The following TTC28 variants were observed in gnomAD, a reference collection of about 807,000 sequenced individuals.
The protein encoded by TTC28 is tetratricopeptide repeat domain 28, also known as tetratricopeptide repeat protein 28.
TTC28 carries 61 observed loss-of-function variants against 198.0 expected under a neutral mutation model. The observed-to-expected ratio is 0.31, with a 90% CI of 0.25 to 0.38. The LOEUF (loss-of-function observed/expected upper bound fraction) is 0.38, where lower values mean the gene tolerates loss of function less well. TTC28 is among the 10% of genes least tolerant of loss of function. The probability of loss-of-function intolerance (pLI) is 1.00; values close to 1 mark genes in which losing one functional copy is unlikely to be tolerated. For missense variants in TTC28, 2,678 were observed against 3,164.0 expected (o/e 0.85, Z 3.69); for synonymous variants, 1,171 against 1,297.8 (o/e 0.90, Z 2.10).
At chr22:28,158,215 C>T (rs1271120426) in intron 6 of TTC28, among the ~76,000 whole-genome samples, 1 of 151,858 alleles carries the variant, frequency 6.6e-6, no homozygotes, top group African/African-American at 2.4e-5. Flanking sequence ...AAGTGGAATA[C>T]CTCTATAATG....
At chr22:28,257,739 CATATATAT>C (rs66590909) in intron 5 of TTC28, among the ~76,000 whole-genome samples, 2,033 of 96,370 alleles carry the variant, frequency 0.021, 43 homozygotes, top group Admixed American at 0.026. Context: ...GGTAATAGAA[CATATATAT>C]ATATATATAT....
intron 2 of TTC28, among the ~76,000 whole-genome samples, chr22:28,553,655 G>A (rs1348549253): frequency 1.5e-4 from 23 of 151,994 alleles, no homozygotes; most frequent in Admixed American, 7.9e-4. Flanking sequence ...GGAGGGAGGT[G>A]GGGGTCAGCC....
chr22:28,610,944 G>T (rs1434068367), intron 2 of TTC28, among the ~76,000 whole-genome samples: 1 of 151,962 alleles, frequency 6.6e-6, no homozygotes, highest in Non-Finnish European at 1.5e-5. Context: ...ATCAATAGCT[G>T]AATCGATCAA....
chr22:28,043,425 A>C (rs1299701002), intron 12 of TTC28, among the ~76,000 whole-genome samples: 1 of 151,752 alleles, frequency 6.6e-6, no homozygotes, highest in Admixed American at 6.6e-5. Flanking sequence ...GCTGAATGTA[A>C]CTTCTGTGGC....
chr22:28,553,702 TG>T (rs989057497), intron 2 of TTC28, among the ~76,000 whole-genome samples: 3 of 143,386 alleles, frequency 2.1e-5, no homozygotes, highest in African/African-American at 5.3e-5. Flanking sequence ...GGGAGGGAGG[TG>T]GGGGGTCAGC....
At chr22:28,361,923 T>C (rs969790876) in intron 2 of TTC28, among the ~76,000 whole-genome samples, 7 of 152,328 alleles carry the variant, frequency 4.6e-5, no homozygotes, top group African/African-American at 1.4e-4. Flanking sequence ...GTTTACAGCA[T>C]AGTTTACCGA....
intron 3 of TTC28, among the ~76,000 whole-genome samples, chr22:28,302,673 T>C (rs151042395): frequency 0.01 from 1,535 of 152,164 alleles, 11 homozygotes; most frequent in Non-Finnish European, 0.015. Flanking sequence ...TTTTGGTTTT[T>C]GTTTTTTGTT....
At chr22:28,471,503 AG>A (rs1269800720) in intron 2 of TTC28, among the ~76,000 whole-genome samples, 1 of 152,202 alleles carries the variant, frequency 6.6e-6, no homozygotes, top group Non-Finnish European at 1.5e-5. Context: ...TATTTGGTGA[AG>A]AAAATGCAGA....
At chr22:28,582,104 G>A (rs566506427) in intron 2 of TTC28, among the ~76,000 whole-genome samples, 28 of 151,594 alleles carry the variant, frequency 1.8e-4, no homozygotes, top group Admixed American at 1.6e-3. Context: ...AATAATAGAC[G>A]ATTACTATAC....
intron 2 of TTC28, among the ~76,000 whole-genome samples, chr22:28,320,947 AACAC>A (rs1311382915): frequency 6.6e-6 from 1 of 152,220 alleles, no homozygotes; most frequent in South Asian, 2.1e-4. Flanking sequence ...GATCAGGTAA[AACAC>A]ATTGTGACAT....
rs552510821 is a variant in TTC28 at position 28,003,710 on chromosome 22, C to T, written c.4219-2157G>A. 2.8e-4 allele frequency among the ~76,000 whole-genome samples: 42 copies of T among 152,340 alleles called. 1 individual carries two copies. The Middle Eastern group carries it at 0.014, about 49-fold the overall frequency. On this transcript the variant is annotated intron_variant, in intron 14 of 22. Coordinates refer to ENST00000397906, the MANE Select transcript of TTC28 (RefSeq NM_001145418.2). ...GAGGCTGGAATCCACGCAGAGCAAA[C>T]ATTCACTGGCAGCCCATCTTCGTAG... is the stretch of plus-strand genomic sequence containing the variant.
chr22:28,263,273 T>C (rs1243796496), intron 5 of TTC28, among the ~76,000 whole-genome samples: 2 of 152,204 alleles, frequency 1.3e-5, no homozygotes, highest in African/African-American at 4.8e-5. Flanking sequence ...CTCTGAAATA[T>C]GTTTTAATCC....
At chr22:28,465,139 T>G (rs1329823934) in intron 2 of TTC28, among the ~76,000 whole-genome samples, 1 of 152,244 alleles carries the variant, frequency 6.6e-6, no homozygotes, top group African/African-American at 2.4e-5. Flanking sequence ...TTGTCTCATT[T>G]GGTAGAAAAA....
intron 12 of TTC28, among the ~76,000 whole-genome samples, chr22:28,086,836 C>T (rs1045386609): frequency 2.0e-5 from 3 of 152,026 alleles, no homozygotes; most frequent in African/African-American, 7.2e-5. Flanking sequence ...GATATCACCA[C>T]CGATCCCACA....
At chr22:28,472,485 G>C (rs2048108247) in intron 2 of TTC28, among the ~76,000 whole-genome samples, 2 of 150,708 alleles carry the variant, frequency 1.3e-5, no homozygotes, top group South Asian at 4.2e-4. Flanking sequence ...ATAGATTATT[G>C]AATTATACAT....
intron 13 of TTC28, among the ~76,000 whole-genome samples, chr22:28,019,633 G>A (rs926182356): frequency 1.3e-5 from 2 of 152,202 alleles, no homozygotes; most frequent in Admixed American, 6.5e-5. Flanking sequence ...ACACTGTCAC[G>A]ACAATCTAGT....
At chr22:28,206,923 G>T (rs945845910) in intron 5 of TTC28, among the ~76,000 whole-genome samples, 1 of 152,132 alleles carries the variant, frequency 6.6e-6, no homozygotes, top group East Asian at 1.9e-4. Context: ...GGAATCGGGT[G>T]GGGGTAGGAG....
intron 2 of TTC28, among the ~76,000 whole-genome samples, chr22:28,389,885 C>T (rs1251674643): frequency 2.6e-5 from 4 of 151,882 alleles, no homozygotes; most frequent in Admixed American, 6.6e-5. Context: ...CTTCTGCTAG[C>T]TTTTGAATGT....
chr22:28,170,774 G>C (rs1157952632), intron 5 of TTC28, among the ~76,000 whole-genome samples: 4 of 152,032 alleles, frequency 2.6e-5, no homozygotes, highest in African/African-American at 4.8e-5. Context: ...CTTAGATTTG[G>C]ATGAGTCTCA....
Sources: gnomAD v4.1 joint callset for allele counts (sites outside exome capture counted in the v4.1 genomes callset) on GRCh38, gnomAD v4.1.1 for gene constraint, MANE v1.5 for transcripts, NCBI Gene and HGNC (gene_info 2026-07-23, HGNC 2026-07-21) for gene names.